Variants in ASIC2 observed in about 807,000 individuals in gnomAD.
ASIC2 encodes the protein acid sensing ion channel subunit 2.
Under a neutral mutation model 57.3 loss-of-function variants are expected in ASIC2, and 25 were observed. The ratio of observed to expected loss-of-function variants is 0.44; its 90% CI spans 0.32 to 0.61. ASIC2 has a LOEUF of 0.61. Ranked by LOEUF, ASIC2 falls within the 20% of genes least tolerant of loss-of-function variation. The pLI is 0.06. For missense variants in ASIC2, 641 were observed against 738.1 expected, an observed-to-expected ratio of 0.87 and a Z score of 1.52; for synonymous variants, 319 against 307.5, an observed-to-expected ratio of 1.04 and a Z score of -0.39.
At chr17:33,572,496 C>T (rs1378598479) in intron 1 of ASIC2, among the ~76,000 whole-genome samples, 1 of 152,148 alleles carries the variant, frequency 6.6e-6, no homozygotes, top group Non-Finnish European at 1.5e-5. Flanking sequence ...CACCCATAGG[C>T]TTCCCCAAGC....
intron 1 of ASIC2, among the ~76,000 whole-genome samples, chr17:33,197,401 C>T (rs1315415375): frequency 1.3e-5 from 2 of 152,234 alleles, no homozygotes; most frequent in Non-Finnish European, 2.9e-5. Flanking sequence ...CAGGGTGTTT[C>T]TCTGATCCTC....
intron 1 of ASIC2, among the ~76,000 whole-genome samples, chr17:33,879,290 C>A (rs1360708904): frequency 6.6e-6 from 1 of 152,126 alleles, no homozygotes; most frequent in Non-Finnish European, 1.5e-5. Context: ...GCTAAATGCT[C>A]CAATTAAAAG....
intron 1 of ASIC2, among the ~76,000 whole-genome samples, chr17:33,547,257 AG>A: frequency 6.8e-6 from 1 of 147,912 alleles, no homozygotes; most frequent in South Asian, 2.1e-4. Context: ...GGGGCAGCAG[AG>A]GGGGTGGGTC....
At chr17:33,764,328 A>C (rs1887211544) in intron 1 of ASIC2, among the ~76,000 whole-genome samples, 1 of 152,016 alleles carries the variant, frequency 6.6e-6, no homozygotes, top group South Asian at 2.1e-4. Flanking sequence ...AAAAAAAAAA[A>C]AAAAGGCTTT....
intron 1 of ASIC2, among the ~76,000 whole-genome samples, chr17:33,215,388 A>G (rs1249211058): frequency 6.6e-6 from 1 of 152,238 alleles, no homozygotes; most frequent in Non-Finnish European, 1.5e-5. Context: ...AAGAAGTAGT[A>G]GAAACAATTT....
At chr17:33,222,593 G>A (rs1907725066) in intron 1 of ASIC2, among the ~76,000 whole-genome samples, 1 of 152,176 alleles carries the variant, frequency 6.6e-6, no homozygotes, top group Admixed American at 6.5e-5. Context: ...TCCTTAAAAA[G>A]AGAATTAAGC....
At position 34,040,255 on chromosome 17, in the gene ASIC2, G is replaced by A. The variant is rs1426533862; in HGVS notation, c.555+115723C>T. ...GGGGCCACTCGGGTGCGGCGCGGAG[G>A]GCGGGGGTGTCGGAACCGCTGGTGC... On this transcript the variant is annotated intron_variant, in intron 1 of 9. Coordinates refer to the ASIC2 transcript ENST00000359872. Among the ~76,000 whole-genome samples the A allele has an allele frequency of 4.6e-4, 69 of 149,156 alleles. 2 individuals are homozygous for A. The highest frequency in any genetic ancestry group is 4.5e-3 in the Admixed American group (68 of 15,086).
intron 1 of ASIC2, among the ~76,000 whole-genome samples, chr17:33,558,686 G>T (rs980073227): frequency 1.3e-5 from 2 of 152,174 alleles, no homozygotes; most frequent in Non-Finnish European, 2.9e-5. Flanking sequence ...ACTGTAACCT[G>T]AATGTAAATG....
At chr17:33,722,607 G>GAAAAAAA (rs34281265) in intron 1 of ASIC2, among the ~76,000 whole-genome samples, 1 of 141,190 alleles carries the variant, frequency 7.1e-6, no homozygotes. Context: ...TACAAAAAAG[G>GAAAAAAA]AAAAAAAAAA....
intron 1 of ASIC2, among the ~76,000 whole-genome samples, chr17:34,151,169 G>A (rs1372228654): frequency 2.0e-5 from 3 of 151,784 alleles, no homozygotes; most frequent in African/African-American, 7.3e-5. Flanking sequence ...AGGGTTCTGG[G>A]TTTATTCCAG....
intron 1 of ASIC2, among the ~76,000 whole-genome samples, chr17:33,329,106 G>A (rs900737778): frequency 1.3e-5 from 2 of 152,178 alleles, no homozygotes; most frequent in Non-Finnish European, 2.9e-5. Flanking sequence ...ATGGCTAGGT[G>A]ATAAGGTCAG....
At chr17:33,575,647 G>C (rs147588974) in intron 1 of ASIC2, among the ~76,000 whole-genome samples, 257 of 152,320 alleles carry the variant, frequency 1.7e-3, no homozygotes, top group Non-Finnish European at 2.6e-3. Context: ...GGAGATAAAT[G>C]TTAACCCAGG....
At chr17:33,957,476 C>T (rs1331876547) in intron 1 of ASIC2, among the ~76,000 whole-genome samples, 1 of 152,106 alleles carries the variant, frequency 6.6e-6, no homozygotes, top group South Asian at 2.1e-4. Context: ...CTGGGGAGGC[C>T]TCACAATCAT....
At chr17:33,461,639 T>C (rs369146322) in intron 1 of ASIC2, among the ~76,000 whole-genome samples, 1 of 152,100 alleles carries the variant, frequency 6.6e-6, no homozygotes, top group Non-Finnish European at 1.5e-5. Flanking sequence ...TCCTGACTGA[T>C]ACCTAAGCTT....
chr17:34,109,153 GTAGT>G (rs1911177049), intron 1 of ASIC2, among the ~76,000 whole-genome samples: 1 of 152,044 alleles, frequency 6.6e-6, no homozygotes, highest in East Asian at 1.9e-4. Flanking sequence ...TGAGCAACAT[GTAGT>G]TAGTTGCGTC....
intron 1 of ASIC2, among the ~76,000 whole-genome samples, chr17:33,788,491 A>G (rs1373319165): frequency 6.6e-6 from 1 of 152,180 alleles, no homozygotes; most frequent in African/African-American, 2.4e-5. Context: ...GGAAGACAGT[A>G]TGGCGATTCC....
chr17:34,103,302 T>C (rs1284152014), intron 1 of ASIC2, among the ~76,000 whole-genome samples: 3 of 152,044 alleles, frequency 2.0e-5, no homozygotes, highest in African/African-American at 7.2e-5. Flanking sequence ...TGTGCCACAA[T>C]GCCTGGCCAA....
intron 1 of ASIC2, among the ~76,000 whole-genome samples, chr17:33,468,387 G>A (rs1167388738): frequency 1.3e-5 from 2 of 152,094 alleles, no homozygotes; most frequent in East Asian, 3.8e-4. Flanking sequence ...ATTCTGAAAA[G>A]GATTAATCTT....
At chr17:33,549,227 G>A (rs932473577) in intron 1 of ASIC2, among the ~76,000 whole-genome samples, 78 of 152,086 alleles carry the variant, frequency 5.1e-4, no homozygotes, top group Non-Finnish European at 2.2e-4. Context: ...CTTTTAGCGC[G>A]AACACTTTAG....
Sources: gnomAD v4.1 joint callset for allele counts (sites outside exome capture counted in the v4.1 genomes callset) on GRCh38, gnomAD v4.1.1 for gene constraint, MANE v1.5 for transcripts, NCBI Gene and HGNC (gene_info 2026-07-23, HGNC 2026-07-21) for gene names.